Variants in PRELID2 observed in about 807,000 individuals in gnomAD.
PRELID2 encodes PRELI domain containing 2, also known as PRELI domain-containing protein 2.
PRELID2 carries 25 observed loss-of-function variants against 28.4 expected under a neutral mutation model. That is an observed-to-expected ratio of 0.88 (90% CI 0.64 to 1.23). PRELID2 has a LOEUF of 1.23. PRELID2 is among the 50% of genes most tolerant of loss of function. The probability of loss-of-function intolerance (pLI) is 0.00; values close to 1 mark genes in which losing one functional copy is unlikely to be tolerated. For synonymous variants in PRELID2, 76 were observed against 71.6 expected, an observed-to-expected ratio of 1.06 and a Z score of -0.31; for missense variants, 201 against 214.4, an observed-to-expected ratio of 0.94 and a Z score of 0.39.
chr5:145,735,326 G>C (rs1337976167), intron 1 of PRELID2, among the ~76,000 whole-genome samples: 1 of 150,732 alleles, frequency 6.6e-6, no homozygotes, highest in East Asian at 2.0e-4. Flanking sequence ...GCAAGAAATA[G>C]AATAACCATA....
chr5:145,673,470 A>C (rs1754751158), intron 1 of PRELID2, among the ~76,000 whole-genome samples: 1 of 148,310 alleles, frequency 6.7e-6, no homozygotes, highest in Non-Finnish European at 1.5e-5. Flanking sequence ...TGATATACCA[A>C]GAAGAAAAAG....
At chr5:145,549,014 A>G (rs1454998925) in intron 1 of PRELID2, among the ~76,000 whole-genome samples, 2 of 152,070 alleles carry the variant, frequency 1.3e-5, no homozygotes, top group Non-Finnish European at 2.9e-5. Flanking sequence ...TCTGCCCCCA[A>G]TACTCTTCTC....
chr5:145,395,628 C>A, the PRELID2 span, among the ~76,000 whole-genome samples: 3 of 152,178 alleles, frequency 2.0e-5, no homozygotes, highest in Admixed American at 2.0e-4. Context: ...CTATAAAGGA[C>A]GAACACGTTT....
the PRELID2 span, among the ~76,000 whole-genome samples, chr5:145,408,983 C>A: frequency 1.3e-5 from 2 of 152,002 alleles, no homozygotes; most frequent in African/African-American, 4.8e-5. Flanking sequence ...CATCAGGTAA[C>A]CTATACAGAA....
the PRELID2 span, among the ~76,000 whole-genome samples, chr5:145,427,382 C>T: frequency 3.0e-4 from 46 of 152,284 alleles, no homozygotes; most frequent in Non-Finnish European, 5.4e-4. Context: ...CTCTCCTCTC[C>T]CCTCAACTCT....
chr5:145,370,682 A>G, the PRELID2 span, among the ~76,000 whole-genome samples: 1 of 152,140 alleles, frequency 6.6e-6, no homozygotes, highest in Non-Finnish European at 1.5e-5. Flanking sequence ...TTTAATGGGA[A>G]TAGCATTGAA....
intron 1 of PRELID2, among the ~76,000 whole-genome samples, chr5:145,652,006 A>G (rs1754306757): frequency 6.6e-6 from 1 of 152,214 alleles, no homozygotes. Context: ...AAAACCATGA[A>G]AAAAGTTTAG....
In PRELID2 at chr5:145,694,990, C is replaced by T. The variant is rs559543897; in HGVS notation, n.70+69941G>A. ...CATCACCCCCCACATAGTTATTGGA[C>T]ACTTAGAACATGTCAGGTCCTCGGC... On this transcript the variant is annotated intron_variant and non_coding_transcript_variant, in intron 1 of 2. Coordinates refer to the PRELID2 transcript ENST00000510259. 2.0e-5 allele frequency among the ~76,000 whole-genome samples: 3 copies of T among 152,284 alleles called. No homozygotes were observed. In the South Asian group the frequency reaches 6.2e-4, roughly 32 times the overall value.
chr5:145,769,474 A>T (rs1226370056), intron 5 of PRELID2, among the ~76,000 whole-genome samples: 1 of 152,258 alleles, frequency 6.6e-6, no homozygotes, highest in Non-Finnish European at 1.5e-5. Flanking sequence ...TTGAAACTAA[A>T]GGTGGCTAAA....
intron 1 of PRELID2, among the ~76,000 whole-genome samples, chr5:145,738,999 T>C (rs907934193): frequency 6.6e-6 from 1 of 152,116 alleles, no homozygotes; most frequent in African/African-American, 2.4e-5. Flanking sequence ...TCAGAAACCA[T>C]GGAGGCTACA....
intron 1 of PRELID2, among the ~76,000 whole-genome samples, chr5:145,740,696 T>C (rs1269600820): frequency 8.4e-6 from 1 of 118,796 alleles, no homozygotes; most frequent in Non-Finnish European, 1.6e-5. Flanking sequence ...AATATATTAT[T>C]TATATTAAAT....
intron 5 of PRELID2, among the ~76,000 whole-genome samples, chr5:145,775,422 G>A (rs1581177515): frequency 6.6e-6 from 1 of 152,206 alleles, no homozygotes; most frequent in East Asian, 1.9e-4. Flanking sequence ...ATCTACATCT[G>A]CGTGGTTTTA....
chr5:145,737,805 G>T lies in PRELID2; in HGVS notation n.70+27126C>A, dbSNP rs545943820. 3.3e-5 allele frequency among the ~76,000 whole-genome samples: 5 copies of T among 152,314 alleles called. No individual in the cohort carries two copies. In the South Asian group the frequency reaches 1.0e-3, roughly 32 times the overall value. ...GGGAGGGCAGGGGGCCAATCCTCCT[G>T]CCAGGGTGTTGCCAGAGAAGACCTA... On this transcript the variant is annotated intron_variant and non_coding_transcript_variant, in intron 1 of 2. Coordinates refer to the PRELID2 transcript ENST00000510259.
downstream of PRELID2, among the ~76,000 whole-genome samples, chr5:145,753,807 A>G (rs1167996964): frequency 6.6e-6 from 1 of 152,168 alleles, no homozygotes; most frequent in Non-Finnish European, 1.5e-5. Flanking sequence ...GGTATAAAAT[A>G]CTGCATTTAA....
chr5:145,390,203 G>C, the PRELID2 span, among the ~76,000 whole-genome samples: 1 of 152,162 alleles, frequency 6.6e-6, no homozygotes, highest in African/African-American at 2.4e-5. Context: ...GAAGCATGAA[G>C]GATTAGAAGA....
chr5:145,716,444 C>A (rs1047511648), intron 1 of PRELID2, among the ~76,000 whole-genome samples: 4 of 152,134 alleles, frequency 2.6e-5, no homozygotes, highest in Non-Finnish European at 4.4e-5. Context: ...GGTGGGTGCT[C>A]AGAAACCTCT....
chr5:145,316,515 C>T, the PRELID2 span, among the ~76,000 whole-genome samples: 1 of 152,118 alleles, frequency 6.6e-6, no homozygotes, highest in Non-Finnish European at 1.5e-5. Context: ...CTTCTCCACG[C>T]CCAATGTGAA....
intron 1 of PRELID2, among the ~76,000 whole-genome samples, chr5:145,607,344 C>T (rs1011253482): frequency 6.6e-6 from 1 of 151,932 alleles, no homozygotes; most frequent in Non-Finnish European, 1.5e-5. Context: ...TGTTAGATTG[C>T]TAATTTGAGA....
At chr5:145,410,865 A>T in the PRELID2 span, among the ~76,000 whole-genome samples, 2 of 152,078 alleles carry the variant, frequency 1.3e-5, no homozygotes, top group African/African-American at 4.8e-5. Flanking sequence ...TTCAGCTTTA[A>T]CCCAAAAGCC....
Sources: gnomAD v4.1 joint callset for allele counts (sites outside exome capture counted in the v4.1 genomes callset) on GRCh38, gnomAD v4.1.1 for gene constraint, MANE v1.5 for transcripts, NCBI Gene and HGNC (gene_info 2026-07-23, HGNC 2026-07-21) for gene names.